The following USP48 variants were observed in gnomAD, a reference collection of about 807,000 sequenced individuals.
The protein encoded by USP48 is ubiquitin carboxyl-terminal hydrolase 48.
A neutral mutation model predicts 150.7 loss-of-function variants in USP48; 43 were observed. The observed-to-expected ratio is 0.29, with a 90% CI of 0.22 to 0.37. The LOEUF (loss-of-function observed/expected upper bound fraction) is 0.37, where lower values mean the gene tolerates loss of function less well. Ranked by LOEUF, USP48 falls within the 10% of genes least tolerant of loss-of-function variation. USP48 has a pLI of 1.00. For synonymous variants in USP48, 396 were observed against 425.9 expected (o/e 0.93, Z 0.86); for missense variants, 813 against 1,249.6 (o/e 0.65, Z 5.27).
intron 1 of USP48, among the ~76,000 whole-genome samples, chr1:21,781,035 C>T (rs2097913129): frequency 6.7e-6 from 1 of 150,276 alleles, no homozygotes; most frequent in African/African-American, 2.4e-5. Flanking sequence ...CCACCGCACC[C>T]GGCCTATTCT....
At chr1:21,728,255 CA>C (rs757999786) in intron 11 of USP48, 31 of 1,059,834 alleles carry the variant, frequency 2.9e-5, no homozygotes, top group Non-Finnish European at 3.5e-5. Flanking sequence ...CATAGTAATC[CA>C]ATCGGATTTT....
rs556302332 is a variant in USP48 at position 21,762,527 on chromosome 1, A to G, written c.135-4744T>C. On this transcript the variant is annotated intron_variant, in intron 1 of 26. Coordinates refer to ENST00000308271, the MANE Select transcript of USP48 (RefSeq NM_032236.8). Reference sequence around the variant, plus strand: ...CTCTGCTTTTCAAAGGTGTAATATCAAGTCTTGTTTGTTCACTCCCTCCTC... The same window carrying G: ...CTCTGCTTTTCAAAGGTGTAATATCGAGTCTTGTTTGTTCACTCCCTCCTC... 2.6e-5 allele frequency among the ~76,000 whole-genome samples: 4 copies of G among 152,270 alleles called. No individual in the cohort carries two copies. The South Asian group carries it at 8.3e-4, about 32-fold the overall frequency.
At chr1:21,773,560 T>C (rs1002737905) in intron 1 of USP48, among the ~76,000 whole-genome samples, 3 of 152,026 alleles carry the variant, frequency 2.0e-5, no homozygotes, top group African/African-American at 2.4e-5. Flanking sequence ...CAAATGAAAA[T>C]AAGATGCTAT....
chr1:21,759,099 T>C (rs1204965102), intron 1 of USP48, among the ~76,000 whole-genome samples: 1 of 147,236 alleles, frequency 6.8e-6, no homozygotes, highest in Admixed American at 7.0e-5. Context: ...GGAGAATTGC[T>C]TGAACCCAGG....
chr1:21,772,572 G>A (rs1364989109), intron 1 of USP48, among the ~76,000 whole-genome samples: 1 of 150,698 alleles, frequency 6.6e-6, no homozygotes, highest in Non-Finnish European at 1.5e-5. Context: ...GCAGTGAGCC[G>A]AGATCGCGCC....
intron 14 of USP48, among the ~76,000 whole-genome samples, chr1:21,719,409 T>C (rs148104958): frequency 6.6e-6 from 1 of 151,360 alleles, no homozygotes; most frequent in African/African-American, 2.4e-5. Context: ...AAAAGTAAGG[T>C]AGTGAGATAG....
chr1:21,699,496 C>T (rs1269262018), intron 22 of USP48, among the ~76,000 whole-genome samples: 1 of 150,998 alleles, frequency 6.6e-6, no homozygotes, highest in Non-Finnish European at 1.5e-5. Flanking sequence ...CCGTGCCTGG[C>T]CTAATTTTTG....
At position 21,701,627 on chromosome 1, in the gene USP48, G is replaced by C. The variant is rs774858209; in HGVS notation, c.2623-25C>G. ...CCTGAATGTGCCAGGACAACAAAGA[G>C]AAGTAGGTCAGACCCTAGGAAGGCA... is the stretch of plus-strand genomic sequence containing the variant. On this transcript the variant is annotated intron_variant, in intron 21 of 26. Transcript: ENST00000308271. 1.9e-6 allele frequency: 3 copies of C among 1,607,710 alleles called. No individual in the cohort carries two copies. The East Asian group carries it at 6.7e-5, about 36-fold the overall frequency.
At chr1:21,778,859 C>T (rs1262072830) in intron 1 of USP48, among the ~76,000 whole-genome samples, 2 of 151,654 alleles carry the variant, frequency 1.3e-5, no homozygotes, top group Admixed American at 1.3e-4. Flanking sequence ...GTGCCATTCT[C>T]CTGCCTTTGC....
Position 21,776,520 on chromosome 1 carries a change from T to C in USP48, c.134+6304A>G, listed in dbSNP as rs539586586. Among the ~76,000 whole-genome samples the C allele has an allele frequency of 9.1e-5, 13 of 143,362 alleles. No individual in the cohort carries two copies. In the South Asian group the frequency reaches 1.1e-3, roughly 12 times the overall value. The allele number at this position is 143,362 out of a possible 152,430, so 94.1% of individuals were successfully genotyped here. On this transcript the variant is annotated intron_variant, in intron 1 of 26. Transcript: ENST00000308271. ...GGGAGGACTGCTAGAGCCCAGGAGT[T>C]TGAGACCAGCCTGGGCAATGTGACA... is the stretch of plus-strand genomic sequence containing the variant.
At chr1:21,696,749 G>A (rs1289149027) in intron 22 of USP48, among the ~76,000 whole-genome samples, 4 of 151,972 alleles carry the variant, frequency 2.6e-5, no homozygotes, top group East Asian at 1.9e-4. Flanking sequence ...TGATACATGC[G>A]GTACCAGTCA....
intron 26 of USP48, among the ~76,000 whole-genome samples, chr1:21,679,906 C>A (rs1291166462): frequency 6.6e-6 from 1 of 152,202 alleles, no homozygotes; most frequent in Non-Finnish European, 1.5e-5. Flanking sequence ...GTTGGCCAGA[C>A]TGGTCTCGAA....
In USP48 at chr1:21,706,536, G is replaced by A. The variant is rs780347412; in HGVS notation, c.2142C>T (p.Asn714=). The A allele has an allele frequency of 7.4e-6, 12 of 1,614,010 alleles. No homozygotes were observed. The highest frequency in any genetic ancestry group is 1.6e-4 in the Middle Eastern group (1 of 6,084). Residue 714 remains asparagine (N), a synonymous_variant, in exon 17 of 27, where the codon AAC becomes AAT. Transcript: ENST00000308271. ...ENEALHKMIA[N]EQKTSLPNLF... Reference sequence around the variant, plus strand: ...AATTTGGGAGAGAAGTCTTTTGCTCGTTTGCAATCATCTTATGTAAGGCTT... The same window carrying A: ...AATTTGGGAGAGAAGTCTTTTGCTCATTTGCAATCATCTTATGTAAGGCTT...
intron 8 of USP48, among the ~76,000 whole-genome samples, chr1:21,745,978 T>C (rs1185670636): frequency 6.6e-6 from 1 of 152,234 alleles, no homozygotes; most frequent in Non-Finnish European, 1.5e-5. Context: ...AATTTTAAAG[T>C]ACAGTACTGA....
At position 21,686,169 on chromosome 1, in the gene USP48, G is replaced by A. The variant is rs148037456; in HGVS notation, c.3058+1022C>T. 7.4e-3 allele frequency: 1,133 copies of A among 152,232 alleles called. 15 individuals are homozygous for A. The highest frequency in any genetic ancestry group is 0.026 in the African/African-American group (1,080 of 41,528). 9.4% of individuals were successfully genotyped at this position (152,232 alleles called of 1,614,324 possible). ...GACTTCCTCTTTTCCAATTTTGCAT[G>A]CTTTTTACTTATTTATCTTGCCTAA... On this transcript the variant is annotated intron_variant, in intron 25 of 26. Coordinates refer to ENST00000308271, the MANE Select transcript of USP48 (RefSeq NM_032236.8).
At chr1:21,782,535 C>A (rs913372404) in intron 1 of USP48, among the ~76,000 whole-genome samples, 2 of 152,244 alleles carry the variant, frequency 1.3e-5, no homozygotes, top group African/African-American at 4.8e-5. Context: ...GATACCCCAA[C>A]CATCAACGCT....
chr1:21,764,081 A>T (rs1448203718), intron 1 of USP48, among the ~76,000 whole-genome samples: 1 of 152,086 alleles, frequency 6.6e-6, no homozygotes, highest in African/African-American at 2.4e-5. Flanking sequence ...GTAGAAAAAC[A>T]GTTATGTGTA....
intron 26 of USP48, 125 bp from the exon 27 acceptor site, chr1:21,679,564 C>G: frequency 8.3e-7 from 1 of 1,205,334 alleles, no homozygotes. Context: ...ACAGTCGCAC[C>G]TTGGTGTGGG....
chr1:21,685,360 T>A (rs2152493703), intron 25 of USP48, among the ~76,000 whole-genome samples: 1 of 150,796 alleles, frequency 6.6e-6, no homozygotes, highest in South Asian at 2.1e-4. Flanking sequence ...GAGTCTGTCA[T>A]CCAGGCTAGA....
Sources: allele counts gnomAD v4.1 joint callset (sites outside exome capture counted in the v4.1 genomes callset), GRCh38; gene constraint gnomAD v4.1.1; transcripts MANE v1.5; gene names NCBI Gene and HGNC (gene_info 2026-07-23, HGNC 2026-07-21).